The following MYT1L variants were observed in gnomAD, a reference collection of about 807,000 sequenced individuals.
The protein encoded by MYT1L is myelin transcription factor 1-like protein.
In MYT1L, 12 loss-of-function variants were observed where a neutral mutation model predicts 126.7. That is an observed-to-expected ratio of 0.09 (90% CI 0.06 to 0.15). The LOEUF (loss-of-function observed/expected upper bound fraction) is 0.15. MYT1L is among the 10% of genes least tolerant of loss of function. The probability of loss-of-function intolerance (pLI) is 1.00; values close to 1 mark genes in which losing one functional copy is unlikely to be tolerated. For missense variants in MYT1L, 979 were observed against 1,585.2 expected (o/e 0.62, Z 6.49); for synonymous variants, 541 against 604.2 (o/e 0.90, Z 1.53).
At chr2:1,996,855 T>TTACAGGA (rs2061915096) in intron 5 of MYT1L, among the ~76,000 whole-genome samples, 1 of 141,694 alleles carries the variant, frequency 7.1e-6, no homozygotes, top group African/African-American at 2.7e-5. Context: ...CGCCTTTACC[T>TTACAGGA]AGTGAGTGAG....
intron 21 of MYT1L, among the ~76,000 whole-genome samples, chr2:1,835,631 C>G (rs955165224): frequency 2.6e-5 from 4 of 152,148 alleles, no homozygotes; most frequent in Non-Finnish European, 5.9e-5. Flanking sequence ...CCTGGACTGC[C>G]CCTTTCCCCT....
At chr2:2,269,185 C>T (rs1031957826) in intron 2 of MYT1L, among the ~76,000 whole-genome samples, 11 of 152,210 alleles carry the variant, frequency 7.2e-5, no homozygotes, top group African/African-American at 2.7e-4. Context: ...AAGATTCCCA[C>T]ACACTTATTT....
intron 19 of MYT1L, chr2:1,842,882 C>CGCTTCCGCTTCCAGGT (rs2041961566): frequency 7.1e-6 from 1 of 140,192 alleles, no homozygotes; most frequent in African/African-American, 2.9e-5. Context: ...CGCTTCCAGG[C>CGCTTCCGCTTCCAGGT]GCTTCCGCTT....
intron 5 of MYT1L, among the ~76,000 whole-genome samples, chr2:1,984,538 C>T (rs2060857853): frequency 8.5e-6 from 1 of 117,696 alleles, no homozygotes. Flanking sequence ...GAGACAGAGT[C>T]TTGCTCTGTG....
At chr2:2,004,655 G>GAATA (rs2062961620) in intron 4 of MYT1L, among the ~76,000 whole-genome samples, 2 of 54,772 alleles carry the variant, frequency 3.7e-5, no homozygotes, top group South Asian at 5.5e-4. Flanking sequence ...TCTTTCCTGC[G>GAATA]TGCCTTCTTT....
rs1195088699 is a variant in MYT1L at position 1,790,978 on chromosome 2, C to T, written c.*889G>A. 2.1e-5 allele frequency: 6 copies of T among 285,326 alleles called. No individual in the cohort carries two copies. The highest frequency in any genetic ancestry group is 1.1e-4 in the South Asian group (3 of 28,504). 17.7% of individuals were successfully genotyped at this position (285,326 alleles called of 1,614,324 possible). A position where few individuals can be genotyped will look rare whatever the true frequency, so the allele number is the denominator to read the frequency against. On this transcript the variant is annotated 3_prime_UTR_variant, in exon 25 of 25. Transcript: ENST00000647738. Reference sequence around the variant, plus strand: ...GGGGCACGAAACTCTAGGGGAGATACGAGAAGGTTGTTCCAAAGTTTATTG... The same window carrying T: ...GGGGCACGAAACTCTAGGGGAGATATGAGAAGGTTGTTCCAAAGTTTATTG...
intron 2 of MYT1L, among the ~76,000 whole-genome samples, chr2:2,275,174 A>G (rs2095334137): frequency 6.6e-6 from 1 of 151,186 alleles, no homozygotes; most frequent in Admixed American, 6.6e-5. Context: ...TTGTTTGGAA[A>G]GAAATTTCAA....
At chr2:1,799,903 T>G (rs12991017) in intron 23 of MYT1L, among the ~76,000 whole-genome samples, 2,986 of 152,202 alleles carry the variant, frequency 0.02, 60 homozygotes, top group Non-Finnish European at 0.032. Flanking sequence ...GTGTCTGGCA[T>G]TTCCTCTGCT....
chr2:2,185,551 T>C, intron 2 of MYT1L, among the ~76,000 whole-genome samples: 1 of 147,036 alleles, frequency 6.8e-6, no homozygotes, highest in East Asian at 2.1e-4. Context: ...CAGCCGGGCC[T>C]CCTCGAGTCC....
chr2:1,829,954 T>G (rs148969944), intron 21 of MYT1L, among the ~76,000 whole-genome samples: 1 of 152,314 alleles, frequency 6.6e-6, no homozygotes, highest in Non-Finnish European at 1.5e-5. Context: ...ATAAAATGTA[T>G]TGAGTCAATG....
chr2:2,148,620 G>C (rs1178812494), intron 3 of MYT1L, among the ~76,000 whole-genome samples: 1 of 152,172 alleles, frequency 6.6e-6, no homozygotes, highest in Non-Finnish European at 1.5e-5. Flanking sequence ...GGGCACCTGG[G>C]ATTAGAGAAT....
chr2:2,254,923 C>T (rs565126513), intron 2 of MYT1L, among the ~76,000 whole-genome samples: 1 of 152,228 alleles, frequency 6.6e-6, no homozygotes, highest in Admixed American at 6.5e-5. Flanking sequence ...TATATTTTTT[C>T]TCGACTTCTA....
intron 21 of MYT1L, among the ~76,000 whole-genome samples, chr2:1,812,232 G>A (rs968244835): frequency 1.3e-5 from 2 of 152,182 alleles, no homozygotes; most frequent in Admixed American, 6.5e-5. Flanking sequence ...CACATAAGAC[G>A]TGGAACTGGC....
At position 1,922,569 on chromosome 2, in the gene MYT1L, C is replaced by T. The variant is rs373977335; in HGVS notation, c.1200G>A (p.Ala400=). 713 of 1,614,024 alleles carry T rather than the reference C, an allele frequency of 4.4e-4. 8 individuals carry two copies. In the South Asian group the frequency reaches 6.8e-3, roughly 15 times the overall value. The part of the protein sequence containing the change: ...SPRSRVFASC[A]KEDGCHERDD... ...CCCGCTCATGACACCCATCCTCCTT[C>T]GCACAGCTGGCAAACACTCTCGACC... The change falls in exon 10 of 25, where the codon GCG becomes GCA. Residue 400 remains alanine (A), a synonymous_variant. Coordinates refer to ENST00000647738, the MANE Select transcript of MYT1L (RefSeq NM_001303052.2). This position sits in a 1 kb window ranked among gnomAD's most constrained non-coding sequence, Gnocchi z 7.4.
intron 2 of MYT1L, among the ~76,000 whole-genome samples, chr2:2,269,664 G>A (rs73914903): frequency 6.6e-6 from 1 of 152,084 alleles, no homozygotes; most frequent in Non-Finnish European, 1.5e-5. Flanking sequence ...ATCTCCAGTA[G>A]CCCCTGGATT....
chr2:1,879,839 A>C (rs1156681747), intron 18 of MYT1L, among the ~76,000 whole-genome samples: 1 of 152,132 alleles, frequency 6.6e-6, no homozygotes, highest in Admixed American at 6.6e-5. Flanking sequence ...ATTATTTTAC[A>C]TTTGATTTGA....
At chr2:2,036,474 T>G (rs918618730) in intron 4 of MYT1L, among the ~76,000 whole-genome samples, 10 of 150,710 alleles carry the variant, frequency 6.6e-5, no homozygotes, top group Non-Finnish European at 1.0e-4. Context: ...CCAATGCGGG[T>G]GCAGAAGAGA....
intron 3 of MYT1L, among the ~76,000 whole-genome samples, chr2:2,073,883 AGAGCTTCAGCTCTT>A (rs1486901700): frequency 6.6e-6 from 1 of 152,130 alleles, no homozygotes; most frequent in East Asian, 1.9e-4. Context: ...GCTGCAGGCA[AGAGCTTCAGCTCTT>A]GCTTTTCTCC....
At chr2:1,940,382 C>A (rs959289173) in intron 9 of MYT1L, among the ~76,000 whole-genome samples, 2 of 148,692 alleles carry the variant, frequency 1.3e-5, no homozygotes, top group Non-Finnish European at 3.0e-5. Flanking sequence ...TGTGGCTGCA[C>A]CCTGCCAGGA....
Sources: allele counts gnomAD v4.1 joint callset (sites outside exome capture counted in the v4.1 genomes callset), GRCh38; gene constraint gnomAD v4.1.1; non-coding constraint Gnocchi (gnomAD v3.1); transcripts MANE v1.5; gene names NCBI Gene and HGNC (gene_info 2026-07-23, HGNC 2026-07-21).